The following LAMA4 variants were observed in gnomAD, a reference collection of about 807,000 sequenced individuals.
The protein encoded by LAMA4 is laminin subunit alpha 4, also known as laminin subunit alpha-4.
In LAMA4, 127 loss-of-function variants were observed where a neutral mutation model predicts 207.1. The ratio of observed to expected loss-of-function variants is 0.61; its 90% CI spans 0.53 to 0.71. LAMA4 has a LOEUF of 0.71. LAMA4 is among the 30% of genes least tolerant of loss of function. The probability of loss-of-function intolerance (pLI) is 0.00; values close to 1 mark genes in which losing one functional copy is unlikely to be tolerated. For missense variants in LAMA4, 2,093 were observed against 2,246.5 expected, an observed-to-expected ratio of 0.93 and a Z score of 1.38; for synonymous variants, 761 against 816.0, an observed-to-expected ratio of 0.93 and a Z score of 1.15.
rs782797278 is a variant in LAMA4, at chr6:112,158,694, C to T, written c.1817+38G>A. ...ATTGAATAGTAATATTTTATTCACC[C>T]CATGTAGATATTTGCATTTCTAAAA... On this transcript the variant is annotated intron_variant, in intron 14 of 38. Transcript: ENST00000230538. 2.6e-6 allele frequency: 4 copies of T among 1,561,130 alleles called. No individual in the cohort carries two copies. The Admixed American group carries it at 6.7e-5, about 26-fold the overall frequency.
In LAMA4 at chr6:112,136,167, C is replaced by T. The variant is rs1779329222; in HGVS notation, c.3370G>A (p.Asp1124Asn). 1 of 1,612,674 alleles carries T rather than the reference C, an allele frequency of 6.2e-7. No individual in the cohort carries two copies. Among genetic ancestry groups the T allele is most frequent in the African/African-American group, 1.3e-5 (1 of 74,878 alleles). Residue 1124 changes from aspartate (D) to asparagine (N), a missense_variant, in exon 25 of 39, where the codon GAT (aspartate) becomes AAT (asparagine). Coordinates refer to ENST00000230538, the MANE Select transcript of LAMA4 (RefSeq NM_001105206.3). ...GFSGGPVHLE[D>N]TLKKAQINDA... ...TTAATTTGAGCTTTCTTTAACGTATCTTCAAGATGCACAGGGCCACCGCTG... is the reference window on the plus strand; with the variant it reads ...TTAATTTGAGCTTTCTTTAACGTATTTTCAAGATGCACAGGGCCACCGCTG...
intron 14 of LAMA4, 147 bp downstream of exon 14, chr6:112,158,585 C>T (rs1336455794): frequency 3.7e-6 from 3 of 814,422 alleles, no homozygotes; most frequent in Non-Finnish European, 6.1e-6. Context: ...AGGAACCAAC[C>T]AACCAACCAA....
chr6:112,185,363 T>G lies in LAMA4; in HGVS notation c.967-16A>C. On this transcript the variant is annotated splice_polypyrimidine_tract_variant and intron_variant, in intron 8 of 38. Coordinates refer to ENST00000230538, the MANE Select transcript of LAMA4 (RefSeq NM_001105206.3). ...ACAATTTTGTCTGCAGAAGAATGTG[T>G]TTTGAGAATAGTCAATGGGCACACC... 6.8e-7 allele frequency: 1 copy of G among 1,471,626 alleles called. No individual in the cohort carries two copies. Among genetic ancestry groups the G allele is most frequent in the South Asian group, 1.1e-5 (1 of 88,138 alleles). 91.2% of individuals were successfully genotyped at this position (1,471,626 alleles called of 1,614,324 possible).
At chr6:112,244,652 C>T (rs141563683) in intron 2 of LAMA4, among the ~76,000 whole-genome samples, 11 of 152,316 alleles carry the variant, frequency 7.2e-5, no homozygotes, top group African/African-American at 2.2e-4. Context: ...CCCTGTGACA[C>T]GTGTACTACT....
intron 25 of LAMA4, 30 bp from the exon 26 acceptor site, chr6:112,134,639 A>C (rs782193210): frequency 1.3e-6 from 2 of 1,536,694 alleles, no homozygotes; most frequent in African/African-American, 2.7e-5. Context: ...GTAAGCCTTG[A>C]TTAACTATTT....
chr6:112,195,822 C>T (rs953620619), intron 5 of LAMA4, among the ~76,000 whole-genome samples: 1 of 152,018 alleles, frequency 6.6e-6, no homozygotes, highest in African/African-American at 2.4e-5. Context: ...TGGTATTGAA[C>T]GTTGAGGGTC....
intron 8 of LAMA4, chr6:112,186,713 A>G (rs1554346752): frequency 2.3e-6 from 1 of 443,354 alleles, no homozygotes; most frequent in Non-Finnish European, 4.5e-6. Flanking sequence ...CTGTGTAAAT[A>G]GTTGTTACAC....
At chr6:112,116,437 A>AG (rs1778023618) in intron 35 of LAMA4, among the ~76,000 whole-genome samples, 1 of 152,176 alleles carries the variant, frequency 6.6e-6, no homozygotes, top group Non-Finnish European at 1.5e-5. Flanking sequence ...GGTGAGTGGG[A>AG]GCCACACTGG....
chr6:112,121,910 G>C, intron 32 of LAMA4, 104 bp downstream of exon 32: 1 of 939,636 alleles, frequency 1.1e-6, no homozygotes, highest in South Asian at 1.3e-5. Context: ...ATAGGATTAA[G>C]GTGGCACAGA....
chr6:112,176,788 T>C (rs1782050036), intron 10 of LAMA4, among the ~76,000 whole-genome samples: 1 of 152,222 alleles, frequency 6.6e-6, no homozygotes, highest in South Asian at 2.1e-4. Context: ...ATTTTTGCCT[T>C]TGGTTTTTGG....
intron 2 of LAMA4, among the ~76,000 whole-genome samples, chr6:112,231,009 TGAA>T (rs1204862104): frequency 6.6e-6 from 1 of 152,188 alleles, no homozygotes; most frequent in Admixed American, 6.5e-5. Flanking sequence ...AGGATGATGA[TGAA>T]GAAGAAAATG....
chr6:112,172,510 A>G, intron 12 of LAMA4, 101 bp downstream of exon 12: 1 of 1,036,306 alleles, frequency 9.6e-7, no homozygotes, highest in East Asian at 2.6e-5. Context: ...TAAGTATTTA[A>G]CTATACCAAT....
In LAMA4 at chr6:112,120,365, C is replaced by T. The variant is rs782805733; in HGVS notation, c.4583G>A (p.Arg1528His). 52 of 1,613,802 alleles carry T rather than the reference C, an allele frequency of 3.2e-5. No individual in the cohort carries two copies. The highest frequency in any genetic ancestry group is 1.8e-4 in the East Asian group (8 of 44,844). The stretch of plus-strand genomic sequence containing the variant: ...ACCAACATTAAACATGTAAACCAAG[C>T]GGCCATGGGCCAAAAATAGAGTCAT... ...DFMTLFLAHG[R>H]LVYMFNVGHK... Residue 1528 changes from arginine to histidine, a missense_variant, in exon 33 of 39, where the codon CGC (arginine) becomes CAC (histidine). Physicochemically the swap from Arg to His is conservative, Grantham distance 29 (BLOSUM62 0). Transcript: ENST00000230538.
At chr6:112,230,684 G>A (rs1785508438) in intron 2 of LAMA4, among the ~76,000 whole-genome samples, 1 of 152,162 alleles carries the variant, frequency 6.6e-6, no homozygotes, top group Admixed American at 6.5e-5. Context: ...ACACAGCTTA[G>A]CAATGTTTAA....
At chr6:112,163,289 T>C (rs1781181731) in intron 13 of LAMA4, among the ~76,000 whole-genome samples, 1 of 151,892 alleles carries the variant, frequency 6.6e-6, no homozygotes, top group Non-Finnish European at 1.5e-5. Context: ...CCAAAGCCTG[T>C]TGAGCTGAGA....
intron 12 of LAMA4, among the ~76,000 whole-genome samples, chr6:112,167,740 A>G (rs1338982438): frequency 1.4e-4 from 22 of 151,922 alleles, no homozygotes; most frequent in African/African-American, 5.3e-4. Flanking sequence ...TAACAAATGC[A>G]AGTTATTGTG....
chr6:112,229,015 C>T (rs578009432), intron 2 of LAMA4, among the ~76,000 whole-genome samples: 1 of 152,346 alleles, frequency 6.6e-6, no homozygotes, highest in East Asian at 1.9e-4. Flanking sequence ...CTTTCTCAGA[C>T]AGTCCAAGGT....
Position 112,142,350 on chromosome 6 carries a change from C to T in LAMA4, c.2494-58G>A, listed in dbSNP as rs1347289719. On this transcript the variant is annotated intron_variant, in intron 19 of 38. Coordinates refer to ENST00000230538, the MANE Select transcript of LAMA4 (RefSeq NM_001105206.3). The stretch of plus-strand genomic sequence containing the variant: ...TTTGCAGAAATGGGCAGAGTGCTTT[C>T]CCGTGCTTCCCTCATTCGTGACAGG... The T allele has an allele frequency of 4.0e-6, 6 of 1,501,288 alleles. No homozygotes were observed. In the Admixed American group the frequency reaches 6.7e-5, roughly 17 times the overall value. 93.0% of individuals were successfully genotyped at this position (1,501,288 alleles called of 1,614,324 possible). A position where few individuals can be genotyped will look rare whatever the true frequency, so the allele number is the denominator to read the frequency against.
At chr6:112,203,783 T>G (rs1235918343) in intron 4 of LAMA4, among the ~76,000 whole-genome samples, 3 of 150,386 alleles carry the variant, frequency 2.0e-5, no homozygotes, top group Non-Finnish European at 4.4e-5. Flanking sequence ...GGTGACACAC[T>G]TTTTACTTCA....
Sources: gnomAD v4.1 joint callset for allele counts (sites outside exome capture counted in the v4.1 genomes callset) on GRCh38, gnomAD v4.1.1 for gene constraint, MANE v1.5 for transcripts, NCBI Gene and HGNC (gene_info 2026-07-23, HGNC 2026-07-21) for gene names.